ESR1: variants seen among roughly 807,000 people sequenced by gnomAD.
The protein encoded by ESR1 is estrogen receptor.
In ESR1, 12 loss-of-function variants were observed where a neutral mutation model predicts 52.7. The observed-to-expected ratio is 0.23, with a 90% CI of 0.15 to 0.37. ESR1 has a LOEUF of 0.37. Ranked by LOEUF, ESR1 falls within the 10% of genes least tolerant of loss-of-function variation. ESR1 has a pLI of 1.00. For synonymous variants in ESR1, 305 were observed against 316.8 expected (o/e 0.96, Z 0.39); for missense variants, 584 against 779.7 (o/e 0.75, Z 2.99).
At chr6:152,084,164 T>C (rs9397081) in intron 6 of ESR1, among the ~76,000 whole-genome samples, 31,949 of 151,308 alleles carry the variant, frequency 0.21, 4,744 homozygotes, top group African/African-American at 0.41. Flanking sequence ...AAGCAAACTA[T>C]CATGAGGACA....
Position 151,854,353 on chromosome 6 carries a change from G to A in ESR1, c.643+11566G>A, listed in dbSNP as rs975952897. Reference sequence around the variant, plus strand: ...GAGCAGATTTGATTTTTTTTTAAGCGAAAGATATGGCTTACCTGAGAAAAG... The same window carrying A: ...GAGCAGATTTGATTTTTTTTTAAGCAAAAGATATGGCTTACCTGAGAAAAG... On this transcript the variant is annotated intron_variant, in intron 2 of 7. Transcript: ENST00000206249. 1.3e-5 allele frequency among the ~76,000 whole-genome samples: 2 copies of A among 151,846 alleles called. 1 individual carries two copies. The highest frequency in any genetic ancestry group is 4.1e-4 in the South Asian group (2 of 4,824).
intron 3 of ESR1, among the ~76,000 whole-genome samples, chr6:151,891,901 A>G (rs1237956739): frequency 6.6e-6 from 1 of 152,196 alleles, no homozygotes; most frequent in Non-Finnish European, 1.5e-5. Context: ...CAGATACTTT[A>G]AAAAGACCTA....
intron 3 of ESR1, among the ~76,000 whole-genome samples, chr6:151,893,826 G>A (rs1018561474): frequency 6.6e-6 from 1 of 152,118 alleles, no homozygotes. Context: ...TGTCAAACCA[G>A]GAGTTTGAGA....
upstream of ESR1, among the ~76,000 whole-genome samples, chr6:151,690,067 G>C (rs1446995627): frequency 6.6e-6 from 1 of 152,266 alleles, no homozygotes; most frequent in South Asian, 2.1e-4. Flanking sequence ...TCATTAATCG[G>C]TAACAAGAAG....
intron 1 of ESR1, among the ~76,000 whole-genome samples, chr6:151,820,455 G>T (rs1207779581): frequency 6.6e-6 from 1 of 152,046 alleles, no homozygotes; most frequent in African/African-American, 2.4e-5. Flanking sequence ...CTCATAAGAG[G>T]CTGGTACTAT....
At chr6:151,864,553 A>G (rs1449725688) in intron 2 of ESR1, among the ~76,000 whole-genome samples, 2 of 152,070 alleles carry the variant, frequency 1.3e-5, no homozygotes, top group African/African-American at 4.8e-5. Context: ...ATCTACAACT[A>G]GAAATACCAT....
At chr6:152,066,096 T>A (rs1736892420) in intron 6 of ESR1, among the ~76,000 whole-genome samples, 4 of 152,240 alleles carry the variant, frequency 2.6e-5, no homozygotes, top group Admixed American at 2.0e-4. Context: ...CATATAGTCA[T>A]GCTTTGTTAA....
chr6:151,944,120 A>G, intron 3 of ESR1, 53 bp from the exon 4 acceptor site: 1 of 1,534,266 alleles, frequency 6.5e-7, no homozygotes, highest in African/African-American at 1.4e-5. Context: ...TTTTGTATAA[A>G]AGTTTACACG....
intron 2 of ESR1, among the ~76,000 whole-genome samples, chr6:151,734,561 G>T (rs1015376909): frequency 6.6e-6 from 1 of 152,038 alleles, no homozygotes; most frequent in African/African-American, 2.4e-5. Context: ...GGGTGACAAG[G>T]TTAGGGCTTC....
chr6:151,721,438 C>T (rs1781455412), intron 2 of ESR1, among the ~76,000 whole-genome samples: 1 of 152,100 alleles, frequency 6.6e-6, no homozygotes, highest in Non-Finnish European at 1.5e-5. Flanking sequence ...GGCTGTAATA[C>T]AGAACATGAT....
At chr6:152,042,635 C>G (rs2045903614) in intron 5 of ESR1, among the ~76,000 whole-genome samples, 1 of 152,156 alleles carries the variant, frequency 6.6e-6, no homozygotes, top group South Asian at 2.1e-4. Flanking sequence ...TGGTTCAAGT[C>G]TGCAAATTGA....
chr6:151,899,388 C>T (rs1168055376), intron 3 of ESR1, among the ~76,000 whole-genome samples: 6 of 132,486 alleles, frequency 4.5e-5, no homozygotes, highest in East Asian at 2.4e-4. Flanking sequence ...GGCGGCTGGC[C>T]GGGCAGAGGG....
In ESR1 at chr6:151,761,340, A is replaced by G. The variant is rs547714781; in HGVS notation, c.-70-46503A>G. Among the ~76,000 whole-genome samples, 415 of 152,340 alleles carry G rather than the reference A, an allele frequency of 2.7e-3. 1 individual carries two copies. Among genetic ancestry groups the G allele is most frequent in the Non-Finnish European group, 5.2e-3 (352 of 68,026 alleles). On this transcript the variant is annotated intron_variant, in intron 2 of 2. Transcript: ENST00000404742. ...ATACTTTAAAATAGTAGAAACAATC[A>G]TGAATAGAAATGAAGATTTAGGCCT...
At chr6:151,709,627 A>C (rs942930307) in intron 2 of ESR1, among the ~76,000 whole-genome samples, 1 of 152,050 alleles carries the variant, frequency 6.6e-6, no homozygotes, top group South Asian at 2.1e-4. Flanking sequence ...AACACTTTTA[A>C]TCTTTTGTCC....
At chr6:151,806,294 C>T (rs1382235966), upstream of ESR1, among the ~76,000 whole-genome samples, 1 of 151,870 alleles carries the variant, frequency 6.6e-6, no homozygotes, top group Non-Finnish European at 1.5e-5. Flanking sequence ...AAAATGTATA[C>T]TTGATATAAA....
At chr6:151,793,492 AGTC>A (rs1383393345) in intron 2 of ESR1, among the ~76,000 whole-genome samples, 4 of 152,336 alleles carry the variant, frequency 2.6e-5, no homozygotes, top group African/African-American at 9.6e-5. Flanking sequence ...TTAGTCATAT[AGTC>A]ATTTATTATC....
intron 6 of ESR1, among the ~76,000 whole-genome samples, chr6:152,124,722 T>C (rs2052742257): frequency 6.6e-6 from 1 of 152,132 alleles, no homozygotes; most frequent in Non-Finnish European, 1.5e-5. Flanking sequence ...TGTGAAAATA[T>C]AGTAGAACAT....
chr6:152,113,166 G>A (rs1254516207), intron 6 of ESR1: 1 of 152,310 alleles, frequency 6.6e-6, no homozygotes, highest in East Asian at 1.9e-4. Context: ...GGGCCAAAGA[G>A]TAAGTAGTTT....
At chr6:151,744,236 C>T (rs1430325573) in intron 2 of ESR1, among the ~76,000 whole-genome samples, 1 of 152,120 alleles carries the variant, frequency 6.6e-6, no homozygotes, top group Non-Finnish European at 1.5e-5. Context: ...TGGGTACCCA[C>T]TTAGGACTGG....
Sources: allele counts gnomAD v4.1 joint callset (sites outside exome capture counted in the v4.1 genomes callset), GRCh38; gene constraint gnomAD v4.1.1; transcripts MANE v1.5; gene names NCBI Gene and HGNC (gene_info 2026-07-23, HGNC 2026-07-21).